The following SLX4IP variants were observed in gnomAD, a reference collection of about 807,000 sequenced individuals.
SLX4IP encodes protein SLX4IP.
Under a neutral mutation model 32.9 loss-of-function variants are expected in SLX4IP, and 34 were observed. That is an observed-to-expected ratio of 1.03 (90% CI 0.79 to 1.38). The LOEUF (loss-of-function observed/expected upper bound fraction) is 1.38, where lower values mean the gene tolerates loss of function less well. Ranked by LOEUF, SLX4IP falls within the 40% of genes most tolerant of loss-of-function variation. SLX4IP has a pLI of 0.00. For synonymous variants in SLX4IP, 172 were observed against 171.7 expected (o/e 1.00, Z -0.01); for missense variants, 444 against 479.0 (o/e 0.93, Z 0.68).
chr20:10,502,293 T>C (rs763508397), intron 2 of SLX4IP, among the ~76,000 whole-genome samples: 1 of 152,218 alleles, frequency 6.6e-6, no homozygotes, highest in African/African-American at 2.4e-5. Flanking sequence ...ACCTGGTCTC[T>C]GTGCCCTCGC....
At chr20:10,621,480 G>A (rs567772316) in intron 7 of SLX4IP, 66 bp downstream of exon 7, 65 of 1,419,506 alleles carry the variant, frequency 4.6e-5, no homozygotes, top group African/African-American at 2.3e-4. Context: ...ATAACATGAA[G>A]TCCAGAATTA....
intron 4 of SLX4IP, among the ~76,000 whole-genome samples, chr20:10,579,177 G>C (rs1052051431): frequency 6.6e-6 from 1 of 151,998 alleles, no homozygotes; most frequent in African/African-American, 2.4e-5. Context: ...TATTTTTTAA[G>C]GAGTTTTATA....
chr20:10,579,268 C>A (rs1456285166), intron 4 of SLX4IP, among the ~76,000 whole-genome samples: 1 of 152,062 alleles, frequency 6.6e-6, no homozygotes, highest in African/African-American at 2.4e-5. Flanking sequence ...CAACTTTATT[C>A]TTTTGCATGT....
At chr20:10,435,888 C>A (rs2065107553) in intron 1 of SLX4IP, among the ~76,000 whole-genome samples, 2 of 152,232 alleles carry the variant, frequency 1.3e-5, no homozygotes, top group South Asian at 4.1e-4. Flanking sequence ...CATAAGGATT[C>A]AGGAGTTAGC....
intron 2 of SLX4IP, among the ~76,000 whole-genome samples, chr20:10,485,532 G>T (rs1016968288): frequency 6.6e-6 from 1 of 151,672 alleles, no homozygotes; most frequent in African/African-American, 2.4e-5. Flanking sequence ...CAGGAGAATC[G>T]CTTGAACCCA....
intron 2 of SLX4IP, among the ~76,000 whole-genome samples, chr20:10,531,380 C>T (rs1462601703): frequency 6.6e-6 from 1 of 152,174 alleles, no homozygotes; most frequent in Admixed American, 6.5e-5. Context: ...TATATGTCCT[C>T]TATGGTCTTA....
chr20:10,522,190 C>T (rs947104994), intron 2 of SLX4IP, among the ~76,000 whole-genome samples: 1 of 152,128 alleles, frequency 6.6e-6, no homozygotes, highest in African/African-American at 2.4e-5. Flanking sequence ...TGATCTTCTG[C>T]TCTCAATAGA....
At chr20:10,578,956 C>T (rs973106744) in intron 4 of SLX4IP, among the ~76,000 whole-genome samples, 9 of 151,966 alleles carry the variant, frequency 5.9e-5, no homozygotes, top group Non-Finnish European at 1.0e-4. Flanking sequence ...TTCTTTTAAA[C>T]ATTCTAGATA....
At chr20:10,538,314 TA>T (rs1284816864) in intron 2 of SLX4IP, among the ~76,000 whole-genome samples, 6 of 152,126 alleles carry the variant, frequency 3.9e-5, no homozygotes, top group African/African-American at 1.4e-4. Flanking sequence ...ACTTTGGCAC[TA>T]ATGACATTAT....
intron 2 of SLX4IP, among the ~76,000 whole-genome samples, chr20:10,518,143 A>G (rs977315727): frequency 6.6e-6 from 1 of 152,196 alleles, no homozygotes; most frequent in African/African-American, 2.4e-5. Flanking sequence ...AAACCTGCAC[A>G]TCCTGCACAT....
chr20:10,531,455 G>T (rs1014652128), intron 2 of SLX4IP, among the ~76,000 whole-genome samples: 3 of 152,120 alleles, frequency 2.0e-5, no homozygotes, highest in Non-Finnish European at 4.4e-5. Context: ...TATGACTCTT[G>T]TGTTTCTCTT....
chr20:10,555,798 C>T (rs1034111667), intron 2 of SLX4IP, among the ~76,000 whole-genome samples: 2 of 152,184 alleles, frequency 1.3e-5, no homozygotes, highest in African/African-American at 4.8e-5. Context: ...TTTTGTCCGT[C>T]TAAAAATGCA....
chr20:10,486,320 T>C lies in SLX4IP; in HGVS notation c.27+28089T>C, dbSNP rs184148480. ...ATCACATAACATGTTGTGAAGGAGTTCAGAGATGAAGACATTACCATGCAC... is the reference window on the plus strand; with the variant it reads ...ATCACATAACATGTTGTGAAGGAGTCCAGAGATGAAGACATTACCATGCAC... On this transcript the variant is annotated intron_variant, in intron 2 of 7. Transcript: ENST00000334534. Among the ~76,000 whole-genome samples the C allele has an allele frequency of 3.6e-3, 535 of 148,072 alleles. 4 individuals are homozygous for C. Among genetic ancestry groups the C allele is most frequent in the Non-Finnish European group, 6.5e-3 (432 of 66,634 alleles).
rs576144151 is a variant in SLX4IP at position 10,470,074 on chromosome 20, A to T, written c.27+11843A>T. Among the ~76,000 whole-genome samples, 442 of 152,242 alleles carry T rather than the reference A, an allele frequency of 2.9e-3. 2 individuals carry two copies. Among genetic ancestry groups the T allele is most frequent in the Non-Finnish European group, 4.7e-3 (320 of 68,016 alleles). On this transcript the variant is annotated intron_variant, in intron 2 of 7. Coordinates refer to ENST00000334534, the MANE Select transcript of SLX4IP (RefSeq NM_001009608.3). Reference sequence around the variant, plus strand: ...TGGAGATGATGGTCGGAGAGTAAGGATCCTCTTTGTCCTTTGAAAGCTTTG... The same window carrying T: ...TGGAGATGATGGTCGGAGAGTAAGGTTCCTCTTTGTCCTTTGAAAGCTTTG...
chr20:10,623,517 T>C lies in SLX4IP; in HGVS notation c.*138T>C. On this transcript the variant is annotated 3_prime_UTR_variant, in exon 8 of 8. Coordinates refer to ENST00000334534, the MANE Select transcript of SLX4IP (RefSeq NM_001009608.3). ...TAAATAGGAAGTGTGTTATCTGTGT[T>C]ATGGCTATGGTTTGTTTTCAAAGCA... 1 of 1,285,908 alleles carries C rather than the reference T, an allele frequency of 7.8e-7. No individual in the cohort carries two copies. Among genetic ancestry groups the C allele is most frequent in the South Asian group, 1.6e-5 (1 of 62,558 alleles). 79.7% of individuals were successfully genotyped at this position (1,285,908 alleles called of 1,614,324 possible).
intron 2 of SLX4IP, among the ~76,000 whole-genome samples, chr20:10,472,301 G>C (rs2065431541): frequency 6.6e-6 from 1 of 151,572 alleles, no homozygotes; most frequent in Non-Finnish European, 1.5e-5. Context: ...CACGATCTCG[G>C]CTTACTGCAA....
At chr20:10,438,337 T>G (rs957801722) in intron 1 of SLX4IP, among the ~76,000 whole-genome samples, 1 of 151,932 alleles carries the variant, frequency 6.6e-6, no homozygotes, top group African/African-American at 2.4e-5. Context: ...CATCACCTCA[T>G]CAAGATAATG....
rs113901254 is a variant in SLX4IP at position 10,501,660 on chromosome 20, C to A, written c.27+43429C>A. Reference sequence around the variant, plus strand: ...GAGTTGCCCAAGACTTATTGTGTGGCCACAAAGAGATGGCAGTCATGCCAG... The same window carrying A: ...GAGTTGCCCAAGACTTATTGTGTGGACACAAAGAGATGGCAGTCATGCCAG... On this transcript the variant is annotated intron_variant, in intron 2 of 7. Transcript: ENST00000334534. Among the ~76,000 whole-genome samples the A allele has an allele frequency of 3.9e-3, 591 of 152,348 alleles. 6 individuals are homozygous for A. The highest frequency in any genetic ancestry group is 0.013 in the African/African-American group (559 of 41,576).
intron 1 of SLX4IP, among the ~76,000 whole-genome samples, chr20:10,446,858 A>G (rs2065206646): frequency 6.6e-6 from 1 of 151,784 alleles, no homozygotes. Flanking sequence ...CTAGATAGAA[A>G]TCCTTTGTTA....
Sources: allele counts gnomAD v4.1 joint callset (sites outside exome capture counted in the v4.1 genomes callset), GRCh38; gene constraint gnomAD v4.1.1; transcripts MANE v1.5; gene names NCBI Gene and HGNC (gene_info 2026-07-23, HGNC 2026-07-21).